The following NTRK3 variants were observed in gnomAD, a reference collection of about 807,000 sequenced individuals.
NTRK3 encodes the protein NT-3 growth factor receptor.
In NTRK3, 24 loss-of-function variants were observed where a neutral mutation model predicts 91.7. The observed-to-expected ratio is 0.26, with a 90% CI of 0.19 to 0.37. NTRK3 has a LOEUF of 0.37. Ranked by LOEUF, NTRK3 falls within the 10% of genes least tolerant of loss-of-function variation. NTRK3 has a pLI of 1.00. For synonymous variants in NTRK3, 483 were observed against 404.0 expected, an observed-to-expected ratio of 1.20 and a Z score of -2.34; for missense variants, 880 against 1,068.9, an observed-to-expected ratio of 0.82 and a Z score of 2.46.
In NTRK3 at chr15:87,916,425, A is replaced by G. The variant is rs775682928; in HGVS notation, c.2133+12766T>C. ...CGTGAATGACTCAACACCAGATTCA[A>G]TGGTCTCCTTCAGCCTTTTCCTCTC... On this transcript the variant is annotated intron_variant, in intron 17 of 18. Coordinates refer to ENST00000394480, the Ensembl canonical transcript of NTRK3. The G allele has an allele frequency of 1.3e-5, 9 of 682,992 alleles. No individual in the cohort carries two copies. The East Asian group carries it at 1.6e-4, about 12-fold the overall frequency. The allele number at this position is 682,992 out of a possible 1,614,324, so 42.3% of individuals were successfully genotyped here. A position where few individuals can be genotyped will look rare whatever the true frequency, so the allele number is the denominator to read the frequency against.
intron 14 of NTRK3, among the ~76,000 whole-genome samples, chr15:88,019,292 C>T (rs2077446461): frequency 6.6e-6 from 1 of 152,232 alleles, no homozygotes; most frequent in Non-Finnish European, 1.5e-5. Context: ...ATTTGCAAGG[C>T]TGAAAGCCTA....
At chr15:88,040,568 T>C (rs1458590277) in intron 13 of NTRK3, among the ~76,000 whole-genome samples, 2 of 152,246 alleles carry the variant, frequency 1.3e-5, no homozygotes, top group South Asian at 2.1e-4. Context: ...TTTTCTCTAA[T>C]GCCCTACTGT....
At chr15:88,043,131 A>C (rs542632434) in intron 13 of NTRK3, among the ~76,000 whole-genome samples, 1 of 152,326 alleles carries the variant, frequency 6.6e-6, no homozygotes, top group African/African-American at 2.4e-5. Flanking sequence ...ATAGCACAGG[A>C]ATGGCCGGCA....
At chr15:87,870,401 A>C (rs534602431) in exon 19 of NTRK3, 1 of 202,216 alleles carries the variant, frequency 4.9e-6, no homozygotes, top group Non-Finnish European at 1.0e-5. Context: ...TCAAGGTATA[A>C]GAATGACACA....
At chr15:87,937,229 A>T (rs868478616) in intron 15 of NTRK3, among the ~76,000 whole-genome samples, 1 of 152,226 alleles carries the variant, frequency 6.6e-6, no homozygotes, top group Non-Finnish European at 1.5e-5. Context: ...GTCATCAGTG[A>T]TTGTTCCCAA....
In NTRK3 at chr15:88,009,210, A is replaced by G. The variant is rs552674889; in HGVS notation, c.1585+23647T>C. Reference sequence around the variant, plus strand: ...TGAAGATAATTTTGATGATGATGATATTAGCTAACATTGAATGTATGAAGC... The same window carrying G: ...TGAAGATAATTTTGATGATGATGATGTTAGCTAACATTGAATGTATGAAGC... On this transcript the variant is annotated intron_variant, in intron 14 of 18. Transcript: ENST00000394480. 3.9e-5 allele frequency among the ~76,000 whole-genome samples: 6 copies of G among 152,360 alleles called. No homozygotes were observed. In the South Asian group the frequency reaches 1.2e-3, roughly 32 times the overall value.
chr15:88,052,486 C>A (rs1361859017), intron 13 of NTRK3, among the ~76,000 whole-genome samples: 2 of 152,310 alleles, frequency 1.3e-5, no homozygotes, highest in South Asian at 4.1e-4. Flanking sequence ...CATGCTAAAG[C>A]CCATGGGCGT....
In NTRK3 at chr15:88,046,083, G is replaced by C. The variant is rs148990228; in HGVS notation, c.1397-13038C>G. ...CCTAATCTTCAGCACCCAGGCTGGA[G>C]CATCAGTGGCAGGCACAAGGGATAA... is the stretch of plus-strand genomic sequence containing the variant. On this transcript the variant is annotated intron_variant, in intron 13 of 18. Transcript: ENST00000394480. Among the ~76,000 whole-genome samples the C allele has an allele frequency of 1.8e-3, 275 of 152,306 alleles. 3 individuals are homozygous for C. Among genetic ancestry groups the C allele is most frequent in the African/African-American group, 6.2e-3 (258 of 41,562 alleles).
intron 14 of NTRK3, among the ~76,000 whole-genome samples, chr15:87,983,398 T>C (rs1413809323): frequency 6.6e-6 from 1 of 152,068 alleles, no homozygotes; most frequent in African/African-American, 2.4e-5. Context: ...TTCAACCCCA[T>C]TGCAGGTAGG....
intron 14 of NTRK3, among the ~76,000 whole-genome samples, chr15:87,964,301 G>C (rs185731766): frequency 6.5e-4 from 98 of 151,916 alleles, no homozygotes; most frequent in African/African-American, 2.1e-3. Flanking sequence ...TAGACAGATA[G>C]ATCAATCTGT....
intron 13 of NTRK3, among the ~76,000 whole-genome samples, chr15:88,040,877 TCAA>T (rs542808296): frequency 9.1e-4 from 139 of 152,338 alleles, no homozygotes; most frequent in African/African-American, 3.3e-3. Flanking sequence ...CATTTGATCC[TCAA>T]CAACTACCAT....
At chr15:87,930,095 C>T (rs999299500) in intron 16 of NTRK3, among the ~76,000 whole-genome samples, 2 of 152,154 alleles carry the variant, frequency 1.3e-5, no homozygotes, top group African/African-American at 2.4e-5. Context: ...TGGCAGTCCA[C>T]GCTCAGTGGC....
chr15:87,885,115 C>A (rs1297123016), intron 17 of NTRK3, among the ~76,000 whole-genome samples: 2 of 151,814 alleles, frequency 1.3e-5, no homozygotes, highest in Non-Finnish European at 3.0e-5. Context: ...TCTCACATGC[C>A]GGTGGCAATG....
chr15:88,077,622 C>T (rs1028986235), intron 13 of NTRK3, among the ~76,000 whole-genome samples: 12 of 152,222 alleles, frequency 7.9e-5, no homozygotes, highest in African/African-American at 2.6e-4. Context: ...GGAACAACGA[C>T]GACGTTATAT....
rs1461391755 is a variant in NTRK3, at chr15:88,106,654, C to A, written c.1396+19617G>T. ...ATTTAAAATATGTATGAGAATGGGC[C>A]AGGCATGTGGCTCATGCCTGTAATC... On this transcript the variant is annotated intron_variant, in intron 13 of 18. Transcript: ENST00000394480. Among the ~76,000 whole-genome samples, 8 of 152,064 alleles carry A rather than the reference C, an allele frequency of 5.3e-5. 1 individual carries two copies. Among genetic ancestry groups the A allele is most frequent in the Admixed American group, 3.9e-4 (6 of 15,272 alleles).
At chr15:88,219,177 A>T (rs2050041449) in intron 3 of NTRK3, among the ~76,000 whole-genome samples, 1 of 152,278 alleles carries the variant, frequency 6.6e-6, no homozygotes, top group Non-Finnish European at 1.5e-5. Flanking sequence ...GAAGCCCATT[A>T]GCAGAGTCCA....
chr15:87,875,366 G>C (rs1252484915), exon 19 of NTRK3: 2 of 231,370 alleles, frequency 8.6e-6, no homozygotes, highest in East Asian at 1.2e-4. Flanking sequence ...GGGAGGCCCA[G>C]AGGTCGGCCC....
chr15:88,087,114 C>T (rs189035759), intron 13 of NTRK3, among the ~76,000 whole-genome samples: 24 of 152,290 alleles, frequency 1.6e-4, no homozygotes, highest in African/African-American at 4.6e-4. Context: ...ATTAACTAAG[C>T]GTGATGTGAG....
exon 19 of NTRK3, chr15:87,867,155 G>A (rs1199725821): frequency 4.4e-6 from 1 of 225,320 alleles, no homozygotes; most frequent in Non-Finnish European, 8.8e-6. Flanking sequence ...AACTGATGAG[G>A]CGCTAATGAG....
Sources: allele counts gnomAD v4.1 joint callset (sites outside exome capture counted in the v4.1 genomes callset), GRCh38; gene constraint gnomAD v4.1.1; transcripts MANE v1.5; gene names NCBI Gene and HGNC (gene_info 2026-07-23, HGNC 2026-07-21).